EXOC6B: variants seen among roughly 807,000 people sequenced by gnomAD.
EXOC6B encodes the protein SEC15 homolog B.
A neutral mutation model predicts 113.5 loss-of-function variants in EXOC6B; 54 were observed. The ratio of observed to expected loss-of-function variants is 0.48; its 90% CI spans 0.38 to 0.60. EXOC6B has a LOEUF of 0.60. Ranked by LOEUF, EXOC6B falls within the 20% of genes least tolerant of loss-of-function variation. EXOC6B has a pLI of 0.00. For missense variants in EXOC6B, 797 were observed against 977.5 expected, an observed-to-expected ratio of 0.82 and a Z score of 2.46; for synonymous variants, 357 against 339.0, an observed-to-expected ratio of 1.05 and a Z score of -0.58.
At chr2:72,562,900 C>T (rs926721621) in intron 7 of EXOC6B, among the ~76,000 whole-genome samples, 2 of 152,102 alleles carry the variant, frequency 1.3e-5, no homozygotes, top group African/African-American at 4.8e-5. Flanking sequence ...TCAAGATTAT[C>T]CTGCTTTTTT....
chr2:72,786,094 A>T (rs1684359889), intron 1 of EXOC6B, among the ~76,000 whole-genome samples: 1 of 152,206 alleles, frequency 6.6e-6, no homozygotes. Context: ...TTTAAGTAAG[A>T]CATTCTACAA....
chr2:72,400,616 A>T (rs1693071277), intron 18 of EXOC6B, among the ~76,000 whole-genome samples: 1 of 151,928 alleles, frequency 6.6e-6, no homozygotes, highest in Non-Finnish European at 1.5e-5. Flanking sequence ...TAACCCCATT[A>T]AAAAATCGGC....
rs181063774 is a variant in EXOC6B at position 72,818,535 on chromosome 2, T to C, written c.113+7263A>G. Among the ~76,000 whole-genome samples, 12 of 152,126 alleles carry C rather than the reference T, an allele frequency of 7.9e-5. No individual in the cohort carries two copies. The East Asian group carries it at 2.3e-3, about 29-fold the overall frequency. Reference sequence around the variant, plus strand: ...GTCTTGAACTCCTGGCCTCAAGTGATCTGCCCTCCTTGGCCTCCCAAAGTG... The same window carrying C: ...GTCTTGAACTCCTGGCCTCAAGTGACCTGCCCTCCTTGGCCTCCCAAAGTG... On this transcript the variant is annotated intron_variant, in intron 1 of 21. Coordinates refer to ENST00000272427, the MANE Select transcript of EXOC6B (RefSeq NM_015189.3).
At chr2:72,391,997 C>G (rs755748469) in intron 18 of EXOC6B, among the ~76,000 whole-genome samples, 14 of 152,136 alleles carry the variant, frequency 9.2e-5, no homozygotes, top group Non-Finnish European at 1.3e-4. Flanking sequence ...TTTAAAAATT[C>G]ATGTAATGAG....
intron 20 of EXOC6B, among the ~76,000 whole-genome samples, chr2:72,271,496 A>G (rs1225714489): frequency 2.6e-5 from 4 of 151,798 alleles, no homozygotes; most frequent in African/African-American, 7.3e-5. Context: ...AGAAGGAGAG[A>G]GGGATACAGA....
At chr2:72,700,912 C>A (rs765738303) in intron 6 of EXOC6B, among the ~76,000 whole-genome samples, 5 of 151,992 alleles carry the variant, frequency 3.3e-5, no homozygotes, top group Non-Finnish European at 7.4e-5. Flanking sequence ...GATGGTGCCA[C>A]TGCACTCCAG....
chr2:72,255,569 T>C (rs1055914707), intron 20 of EXOC6B, among the ~76,000 whole-genome samples: 12 of 152,208 alleles, frequency 7.9e-5, no homozygotes, highest in Non-Finnish European at 5.9e-5. Context: ...TCCTTTATTC[T>C]CTCAGTTTCC....
At chr2:72,708,199 A>G (rs1189741049) in intron 6 of EXOC6B, among the ~76,000 whole-genome samples, 1 of 152,218 alleles carries the variant, frequency 6.6e-6, no homozygotes, top group African/African-American at 2.4e-5. Context: ...AACTCACACA[A>G]GGAAAGGCAA....
intron 6 of EXOC6B, among the ~76,000 whole-genome samples, chr2:72,616,974 C>T (rs1033452595): frequency 2.6e-5 from 4 of 152,158 alleles, no homozygotes; most frequent in African/African-American, 4.8e-5. Context: ...TTCCTAGATA[C>T]AGTGGGGATA....
intron 7 of EXOC6B, among the ~76,000 whole-genome samples, chr2:72,559,995 G>A (rs368267062): frequency 2.0e-5 from 3 of 152,066 alleles, no homozygotes; most frequent in African/African-American, 2.4e-5. Context: ...ACAAGAATTC[G>A]TCAATACTTA....
chr2:72,631,493 G>C (rs1447125967), intron 6 of EXOC6B, among the ~76,000 whole-genome samples: 1 of 123,730 alleles, frequency 8.1e-6, no homozygotes, highest in African/African-American at 3.2e-5. Flanking sequence ...GAGAGAGAGA[G>C]AGAGAGAGAG....
intron 8 of EXOC6B, among the ~76,000 whole-genome samples, chr2:72,558,499 G>A (rs903028197): frequency 7.9e-5 from 12 of 152,164 alleles, no homozygotes; most frequent in African/African-American, 1.9e-4. Context: ...GACCAGGCAC[G>A]GTGGCTCACG....
intron 20 of EXOC6B, among the ~76,000 whole-genome samples, chr2:72,252,941 GGA>G (rs143596107): frequency 0.056 from 8,539 of 152,096 alleles, 305 homozygotes; most frequent in Non-Finnish European, 0.087. Flanking sequence ...ACTTACATAT[GGA>G]AACTGCAGTG....
chr2:72,305,605 A>C (rs754618188), intron 20 of EXOC6B, among the ~76,000 whole-genome samples: 8 of 152,178 alleles, frequency 5.3e-5, no homozygotes, highest in Non-Finnish European at 1.2e-4. Context: ...ATAAGATCTA[A>C]TATGATCCTT....
intron 6 of EXOC6B, among the ~76,000 whole-genome samples, chr2:72,679,891 G>A (rs1051181934): frequency 6.6e-6 from 1 of 152,164 alleles, no homozygotes; most frequent in Admixed American, 6.5e-5. Context: ...CTGAACAAAT[G>A]ATCCTGGATT....
intron 21 of EXOC6B, among the ~76,000 whole-genome samples, chr2:72,182,369 T>C (rs1243599677): frequency 2.0e-5 from 3 of 152,146 alleles, no homozygotes; most frequent in Non-Finnish European, 4.4e-5. Context: ...CAGAGCCCAT[T>C]TGAAGGACAC....
intron 19 of EXOC6B, among the ~76,000 whole-genome samples, chr2:72,354,871 C>T (rs1260199262): frequency 6.6e-6 from 1 of 152,186 alleles, no homozygotes; most frequent in Non-Finnish European, 1.5e-5. Context: ...TTTGTACTGC[C>T]TATTTTTGAT....
chr2:72,411,180 C>T (rs1160210648), intron 18 of EXOC6B, among the ~76,000 whole-genome samples: 1 of 152,074 alleles, frequency 6.6e-6, no homozygotes, highest in Non-Finnish European at 1.5e-5. Context: ...CCACTGCACT[C>T]CAGCCTGGGT....
chr2:72,808,439 C>A (rs183696699), intron 1 of EXOC6B, among the ~76,000 whole-genome samples: 102 of 152,138 alleles, frequency 6.7e-4, no homozygotes, highest in Middle Eastern at 3.4e-3. Context: ...CACACACACA[C>A]AAACTATACT....
Sources: allele counts gnomAD v4.1 joint callset (sites outside exome capture counted in the v4.1 genomes callset), GRCh38; gene constraint gnomAD v4.1.1; transcripts MANE v1.5; gene names NCBI Gene and HGNC (gene_info 2026-07-23, HGNC 2026-07-21).